CACHD1: variants seen among roughly 807,000 people sequenced by gnomAD.
CACHD1 encodes the protein VWFA and cache domain-containing protein 1.
In CACHD1, 71 loss-of-function variants were observed where a neutral mutation model predicts 138.7. The observed-to-expected ratio is 0.51, with a 90% CI of 0.42 to 0.62. The LOEUF is 0.62. Among genes scored for constraint, CACHD1 ranks in the 20% least tolerant of loss-of-function variants. CACHD1 has a pLI of 0.00. For synonymous variants in CACHD1, 578 were observed against 591.5 expected (o/e 0.98, Z 0.33); for missense variants, 1,389 against 1,625.3 (o/e 0.85, Z 2.50).
intron 1 of CACHD1, among the ~76,000 whole-genome samples, chr1:64,479,624 C>T (rs1514962): frequency 0.081 from 12,354 of 152,082 alleles, 1,181 homozygotes; most frequent in African/African-American, 0.23. Context: ...ACTTGTTCTG[C>T]GGGCAGCAGA....
chr1:64,540,270 T>C (rs1031671400), intron 1 of CACHD1, among the ~76,000 whole-genome samples: 1 of 152,212 alleles, frequency 6.6e-6, no homozygotes, highest in Non-Finnish European at 1.5e-5. Context: ...CCTCCTTTTT[T>C]TTTTCCTTTA....
chr1:64,556,252 C>T (rs964593619), intron 2 of CACHD1, among the ~76,000 whole-genome samples: 6 of 152,158 alleles, frequency 3.9e-5, no homozygotes, highest in Non-Finnish European at 7.3e-5. Context: ...CACCAGTTTC[C>T]CCACTTCTTA....
intron 14 of CACHD1, 44 bp downstream of exon 14, chr1:64,663,881 A>G (rs1261844226): frequency 1.2e-6 from 2 of 1,611,108 alleles, no homozygotes; most frequent in South Asian, 1.1e-5. Context: ...CCCCCTCCAC[A>G]GGCCCAGCAG....
Position 64,673,378 on chromosome 1 carries a change from C to G in CACHD1, c.2641C>G (p.His881Asp). 1 of 1,614,124 alleles carries G rather than the reference C, an allele frequency of 6.2e-7. No individual in the cohort carries two copies. Among genetic ancestry groups the G allele is most frequent in the Non-Finnish European group, 8.5e-7 (1 of 1,180,000 alleles). The stretch of plus-strand genomic sequence containing the variant: ...CCTGGTAGCAAATGATATCCTCAAC[C>G]ACCCCAACTTTGTAAAGAAAAACCT... ...EPLVANDILN[H>D]PNFVKKNLCN... is the part of the protein sequence containing the mutation. Residue 881 changes from histidine (H) to aspartate (D), a missense_variant, in exon 19 of 27, where the codon CAC becomes GAC. By Grantham distance (81) the His-to-Asp change is moderately conservative. Coordinates refer to ENST00000651257, the MANE Select transcript of CACHD1 (RefSeq NM_020925.4).
intron 1 of CACHD1, among the ~76,000 whole-genome samples, chr1:64,492,176 G>A (rs2100300010): frequency 6.6e-6 from 1 of 150,696 alleles, no homozygotes; most frequent in Admixed American, 6.6e-5. Context: ...TTTTCATCTA[G>A]GTAGCATTAT....
intron 1 of CACHD1, among the ~76,000 whole-genome samples, chr1:64,531,039 G>A (rs1051312666): frequency 4.0e-5 from 6 of 151,166 alleles, no homozygotes; most frequent in Non-Finnish European, 7.4e-5. Context: ...AACCTTATTG[G>A]CAATGAACTG....
At chr1:64,568,256 T>G (rs1033951741) in intron 2 of CACHD1, among the ~76,000 whole-genome samples, 2 of 152,136 alleles carry the variant, frequency 1.3e-5, no homozygotes, top group African/African-American at 4.8e-5. Context: ...TTGGACCAGT[T>G]TGTGGGATGA....
Position 64,691,783 on chromosome 1 carries a change from A to C in CACHD1, c.*222A>C, listed in dbSNP as rs376395537. The stretch of plus-strand genomic sequence containing the variant: ...TGAGGCTGGTTCTGAAATGGAGGGG[A>C]AATAAGCCTGATGAACAGACCTGCC... On this transcript the variant is annotated 3_prime_UTR_variant, in exon 27 of 27. Transcript: ENST00000651257. 68 of 564,602 alleles carry C rather than the reference A, an allele frequency of 1.2e-4. No individual in the cohort carries two copies. The highest frequency in any genetic ancestry group is 1.1e-3 in the African/African-American group (60 of 53,326). The allele number at this position is 564,602 out of a possible 1,614,324, so 35.0% of individuals were successfully genotyped here.
chr1:64,528,075 A>C (rs912502700), intron 1 of CACHD1, among the ~76,000 whole-genome samples: 4 of 152,244 alleles, frequency 2.6e-5, no homozygotes, highest in African/African-American at 9.6e-5. Flanking sequence ...TAATGTGAGC[A>C]GCACTACTTG....
At chr1:64,604,607 A>C (rs1044480432) in intron 4 of CACHD1, among the ~76,000 whole-genome samples, 2 of 152,224 alleles carry the variant, frequency 1.3e-5, no homozygotes, top group African/African-American at 4.8e-5. Context: ...CTGTAATCCA[A>C]CATTGTATGT....
At chr1:64,657,894 TCTTTTA>T (rs1395275366) in intron 12 of CACHD1, among the ~76,000 whole-genome samples, 9 of 152,242 alleles carry the variant, frequency 5.9e-5, no homozygotes, top group African/African-American at 2.2e-4. Flanking sequence ...TCGAGAAATT[TCTTTTA>T]CTTTTAAGTC....
At chr1:64,622,956 C>G (rs1488406152) in intron 4 of CACHD1, among the ~76,000 whole-genome samples, 1 of 152,140 alleles carries the variant, frequency 6.6e-6, no homozygotes, top group African/African-American at 2.4e-5. Flanking sequence ...GACTTTTTAT[C>G]TCTCCATTTA....
intron 13 of CACHD1, among the ~76,000 whole-genome samples, chr1:64,663,160 G>T (rs1649501531): frequency 6.7e-6 from 1 of 150,152 alleles, no homozygotes; most frequent in Admixed American, 6.6e-5. Flanking sequence ...ATAGTTTGAA[G>T]AATTTCTACT....
intron 3 of CACHD1, among the ~76,000 whole-genome samples, chr1:64,590,433 G>A (rs910459409): frequency 1.3e-5 from 2 of 151,808 alleles, no homozygotes; most frequent in African/African-American, 4.8e-5. Flanking sequence ...TGTATTTTGT[G>A]GCATGATTTA....
intron 1 of CACHD1, among the ~76,000 whole-genome samples, chr1:64,491,004 T>C (rs1407074551): frequency 6.6e-6 from 1 of 152,102 alleles, no homozygotes; most frequent in East Asian, 1.9e-4. Context: ...TCTAGAAAAA[T>C]CTTTGCTTAA....
At chr1:64,595,663 TTCACCCTAGATG>T (rs1303604519) in intron 3 of CACHD1, among the ~76,000 whole-genome samples, 1 of 152,188 alleles carries the variant, frequency 6.6e-6, no homozygotes, top group Non-Finnish European at 1.5e-5. Flanking sequence ...CCACTTCCAA[TTCACCCTAGATG>T]TCACCTGTGC....
At chr1:64,656,411 G>T (rs1302991064) in intron 12 of CACHD1, among the ~76,000 whole-genome samples, 2 of 152,010 alleles carry the variant, frequency 1.3e-5, no homozygotes, top group Non-Finnish European at 2.9e-5. Flanking sequence ...TATCAGAAAG[G>T]GTGAGCCGGC....
chr1:64,646,085 T>C (rs1648892387), intron 8 of CACHD1, among the ~76,000 whole-genome samples: 1 of 152,178 alleles, frequency 6.6e-6, no homozygotes. Context: ...CTCCATAACC[T>C]TCCATCCCAC....
chr1:64,662,583 A>C (rs1649479304), intron 13 of CACHD1, among the ~76,000 whole-genome samples: 1 of 152,236 alleles, frequency 6.6e-6, no homozygotes. Context: ...GAGAACTAAC[A>C]AAAGGAGTAG....
Sources: allele counts gnomAD v4.1 joint callset (sites outside exome capture counted in the v4.1 genomes callset), GRCh38; gene constraint gnomAD v4.1.1; transcripts MANE v1.5; gene names NCBI Gene and HGNC (gene_info 2026-07-23, HGNC 2026-07-21).